The following NTNG1 variants were observed in gnomAD, a reference collection of about 807,000 sequenced individuals.
The protein encoded by NTNG1 is netrin-G1.
NTNG1 carries 16 observed loss-of-function variants against 54.0 expected under a neutral mutation model. The ratio of observed to expected loss-of-function variants is 0.30; its 90% confidence interval spans 0.20 to 0.45. The LOEUF is 0.45. Among genes scored for constraint, NTNG1 ranks in the 20% least tolerant of loss-of-function variants. The probability of loss-of-function intolerance (pLI) is 1.00; values close to 1 mark genes in which losing one functional copy is unlikely to be tolerated. For missense variants in NTNG1, 530 were observed against 678.7 expected (o/e 0.78, Z 2.43); for synonymous variants, 255 against 263.1 (o/e 0.97, Z 0.30).
intron 5 of NTNG1, among the ~76,000 whole-genome samples, chr1:107,428,158 A>G (rs948559667): frequency 6.6e-6 from 1 of 152,056 alleles, no homozygotes; most frequent in African/African-American, 2.4e-5. Context: ...CCCTAACTTC[A>G]TACCTTTGCC....
chr1:107,173,364 G>A (rs1172626435), intron 2 of NTNG1, among the ~76,000 whole-genome samples: 1 of 152,156 alleles, frequency 6.6e-6, no homozygotes, highest in Admixed American at 6.6e-5. Context: ...CAAAGCCCTG[G>A]TGGAAGAGAA....
At chr1:107,283,596 C>T (rs751032628) in intron 2 of NTNG1, among the ~76,000 whole-genome samples, 15 of 152,116 alleles carry the variant, frequency 9.9e-5, no homozygotes, top group Non-Finnish European at 2.1e-4. Flanking sequence ...TGCTGTATTG[C>T]CATTTCAAAT....
intron 2 of NTNG1, among the ~76,000 whole-genome samples, chr1:107,232,485 A>C (rs763507694): frequency 6.6e-6 from 1 of 152,158 alleles, no homozygotes; most frequent in Non-Finnish European, 1.5e-5. Context: ...TTATATTGCT[A>C]ACAATTTAAA....
At chr1:107,223,216 T>C (rs760050465) in intron 2 of NTNG1, among the ~76,000 whole-genome samples, 4 of 152,020 alleles carry the variant, frequency 2.6e-5, no homozygotes, top group Non-Finnish European at 5.9e-5. Flanking sequence ...TATCTACCTT[T>C]TGTAGGGTGA....
chr1:107,190,582 C>G (rs1657830230), intron 2 of NTNG1, among the ~76,000 whole-genome samples: 1 of 152,068 alleles, frequency 6.6e-6, no homozygotes, highest in South Asian at 2.1e-4. Flanking sequence ...TCCACTCCCC[C>G]CACCCCATAA....
chr1:107,373,954 G>A (rs780839411), intron 3 of NTNG1, among the ~76,000 whole-genome samples: 5 of 151,896 alleles, frequency 3.3e-5, no homozygotes, highest in Non-Finnish European at 4.4e-5. Context: ...CTCCTGCCTC[G>A]GCCTCTGAGA....
chr1:107,367,382 G>A (rs564167124), intron 3 of NTNG1, among the ~76,000 whole-genome samples: 7 of 152,246 alleles, frequency 4.6e-5, no homozygotes, highest in Admixed American at 3.3e-4. Flanking sequence ...TCTGACACCA[G>A]CATGCTTGGT....
intron 2 of NTNG1, among the ~76,000 whole-genome samples, chr1:107,168,072 T>C (rs562809930): frequency 6.6e-6 from 1 of 152,172 alleles, no homozygotes; most frequent in East Asian, 1.9e-4. Flanking sequence ...ACAGTATAAC[T>C]AAAGGGAGCT....
At chr1:107,222,337 A>C (rs182266743) in intron 2 of NTNG1, among the ~76,000 whole-genome samples, 189 of 152,192 alleles carry the variant, frequency 1.2e-3, no homozygotes, top group African/African-American at 4.4e-3. Flanking sequence ...GTATAAACCT[A>C]GTTCTATATC....
At chr1:107,188,997 A>T (rs920563925) in intron 2 of NTNG1, among the ~76,000 whole-genome samples, 4 of 152,086 alleles carry the variant, frequency 2.6e-5, no homozygotes, top group Non-Finnish European at 4.4e-5. Flanking sequence ...GGGGCTTCCT[A>T]TTCAATATTT....
intron 2 of NTNG1, among the ~76,000 whole-genome samples, chr1:107,215,857 C>T (rs1340392406): frequency 6.6e-6 from 1 of 151,478 alleles, no homozygotes; most frequent in Non-Finnish European, 1.5e-5. Flanking sequence ...GGTCTTTTTA[C>T]CTCCTTGGTT....
chr1:107,401,076 G>C lies in NTNG1; in HGVS notation c.1060+5750G>C, dbSNP rs566850186. Among the ~76,000 whole-genome samples, 188 of 152,280 alleles carry C rather than the reference G, an allele frequency of 1.2e-3. 1 individual carries two copies. Among genetic ancestry groups the C allele is most frequent in the Admixed American group, 4.0e-3 (61 of 15,296 alleles). Reference sequence around the variant, plus strand: ...AATATGTGGCCTTCACAGGTCACCAGCTCCAACACAAGAGCCTTCAATCTC... The same window carrying C: ...AATATGTGGCCTTCACAGGTCACCACCTCCAACACAAGAGCCTTCAATCTC... On this transcript the variant is annotated intron_variant, in intron 4 of 7. Coordinates refer to ENST00000370068, the MANE Select transcript of NTNG1 (RefSeq NM_001113226.3).
At chr1:107,207,659 A>C (rs1232879031) in intron 2 of NTNG1, among the ~76,000 whole-genome samples, 3 of 152,226 alleles carry the variant, frequency 2.0e-5, no homozygotes, top group Non-Finnish European at 2.9e-5. Context: ...AAAATGATTC[A>C]AAACTTTTCA....
intron 2 of NTNG1, among the ~76,000 whole-genome samples, chr1:107,302,039 C>T (rs1666351409): frequency 6.6e-6 from 1 of 152,168 alleles, no homozygotes; most frequent in Non-Finnish European, 1.5e-5. Context: ...TTTCCAACCT[C>T]TTTATATTAC....
chr1:107,186,658 CTGTT>C (rs1162018859), intron 2 of NTNG1, among the ~76,000 whole-genome samples: 1 of 152,156 alleles, frequency 6.6e-6, no homozygotes, highest in Non-Finnish European at 1.5e-5. Flanking sequence ...GGACCAAGAA[CTGTT>C]TGTACCTTAA....
intron 2 of NTNG1, among the ~76,000 whole-genome samples, chr1:107,194,890 C>A (rs1658207513): frequency 6.6e-6 from 1 of 151,900 alleles, no homozygotes; most frequent in South Asian, 2.1e-4. Flanking sequence ...ATCGTTTGAC[C>A]TGGAAACTAA....
intron 3 of NTNG1, among the ~76,000 whole-genome samples, chr1:107,331,878 A>T (rs1180213833): frequency 1.3e-5 from 2 of 152,098 alleles, no homozygotes; most frequent in African/African-American, 4.8e-5. Context: ...TTTTCAAGCT[A>T]AATGGATATT....
At chr1:107,247,723 A>C (rs989960901) in intron 2 of NTNG1, among the ~76,000 whole-genome samples, 2 of 152,222 alleles carry the variant, frequency 1.3e-5, no homozygotes, top group African/African-American at 4.8e-5. Flanking sequence ...TACTCCTAAC[A>C]AATGAGTTAT....
chr1:107,247,575 C>T (rs1662285674), intron 2 of NTNG1, among the ~76,000 whole-genome samples: 1 of 152,288 alleles, frequency 6.6e-6, no homozygotes, highest in Non-Finnish European at 1.5e-5. Flanking sequence ...TGCCTTAATA[C>T]TGTGAGTTTG....
Sources: gnomAD v4.1 joint callset for allele counts (sites outside exome capture counted in the v4.1 genomes callset) on GRCh38, gnomAD v4.1.1 for gene constraint, MANE v1.5 for transcripts, NCBI Gene and HGNC (gene_info 2026-07-23, HGNC 2026-07-21) for gene names.